The following FBN1 variants were observed in gnomAD, a reference collection of about 807,000 sequenced individuals.
FBN1 encodes fibrillin 1.
In FBN1, 29 loss-of-function variants were observed where a neutral mutation model predicts 365.1. The ratio of observed to expected loss-of-function variants is 0.08; its 90% CI spans 0.06 to 0.11. FBN1 has a LOEUF of 0.11. Ranked by LOEUF, FBN1 falls within the 10% of genes least tolerant of loss-of-function variation. The pLI, the probability that FBN1 is intolerant of heterozygous loss-of-function variation, is 1.00. For missense variants in FBN1, 2,476 were observed against 3,703.2 expected, an observed-to-expected ratio of 0.67 and a Z score of 8.60; for synonymous variants, 1,210 against 1,270.5, an observed-to-expected ratio of 0.95 and a Z score of 1.01.
chr15:48,502,802 T>A (rs1236729563), intron 17 of FBN1, among the ~76,000 whole-genome samples: 1 of 152,162 alleles, frequency 6.6e-6, no homozygotes, highest in African/African-American at 2.4e-5. Flanking sequence ...ATAAGCCACC[T>A]CAAATCCTTT....
At chr15:48,444,091 GA>G (rs1485051499) in intron 49 of FBN1, among the ~76,000 whole-genome samples, 2 of 152,112 alleles carry the variant, frequency 1.3e-5, no homozygotes, top group African/African-American at 4.8e-5. Flanking sequence ...GAATTTATTT[GA>G]AATAAGACAT....
chr15:48,550,196 C>T (rs1216109722), intron 6 of FBN1, among the ~76,000 whole-genome samples: 4 of 152,328 alleles, frequency 2.6e-5, no homozygotes, highest in Admixed American at 1.3e-4. Context: ...CAGACGCCCT[C>T]GTGGCCTTTC....
At chr15:48,428,183 G>T in intron 57 of FBN1, 163 bp downstream of exon 57, 1 of 879,464 alleles carries the variant, frequency 1.1e-6, no homozygotes. Flanking sequence ...GTGGTGCTGA[G>T]CCCAATGGAC....
chr15:48,515,587 T>C lies in FBN1; in HGVS notation c.1328-60A>G, dbSNP rs1389185588. 3 of 1,589,986 alleles carry C rather than the reference T, an allele frequency of 1.9e-6. No homozygotes were observed. The South Asian group carries it at 3.3e-5, about 18-fold the overall frequency. ...AACTATGGTATCTTTCATCAGTACTTAATCTGACAATAATGAACAAGATGT... is the reference window on the plus strand; with the variant it reads ...AACTATGGTATCTTTCATCAGTACTCAATCTGACAATAATGAACAAGATGT... On this transcript the variant is annotated intron_variant, in intron 11 of 65. Transcript: ENST00000316623.
intron 43 of FBN1, among the ~76,000 whole-genome samples, chr15:48,458,181 C>T (rs779349669): frequency 2.6e-5 from 4 of 152,184 alleles, no homozygotes; most frequent in African/African-American, 4.8e-5. Context: ...TTGCAAGGTA[C>T]ATACTTTGCT....
chr15:48,504,903 G>T, intron 16 of FBN1, 122 bp downstream of exon 16: 2 of 1,315,304 alleles, frequency 1.5e-6, no homozygotes, highest in Non-Finnish European at 2.2e-6. Flanking sequence ...CTGTTGGTTT[G>T]TTGCTCTGCA....
intron 6 of FBN1, among the ~76,000 whole-genome samples, chr15:48,566,940 G>C (rs1359770933): frequency 6.6e-6 from 1 of 152,200 alleles, no homozygotes. Flanking sequence ...CTCAAAGTGT[G>C]ACCTGTGGCC....
intron 2 of FBN1, among the ~76,000 whole-genome samples, chr15:48,625,157 T>C (rs1889852101): frequency 6.6e-6 from 1 of 152,182 alleles, no homozygotes; most frequent in Non-Finnish European, 1.5e-5. Flanking sequence ...AAAATTTCAT[T>C]TCTATATTAG....
intron 4 of FBN1, among the ~76,000 whole-genome samples, chr15:48,606,628 C>T (rs964740043): frequency 2.6e-5 from 4 of 152,170 alleles, no homozygotes; most frequent in African/African-American, 9.7e-5. Flanking sequence ...AACATCAGCG[C>T]TCTTTGTGGT....
intron 9 of FBN1, among the ~76,000 whole-genome samples, chr15:48,521,610 G>A (rs562060353): frequency 8.5e-5 from 13 of 152,240 alleles, no homozygotes; most frequent in Non-Finnish European, 1.6e-4. Flanking sequence ...CATGACATCC[G>A]ACACACTGCA....
At chr15:48,556,408 A>G (rs1167473608) in intron 6 of FBN1, among the ~76,000 whole-genome samples, 3 of 152,216 alleles carry the variant, frequency 2.0e-5, no homozygotes, top group South Asian at 2.1e-4. Flanking sequence ...AGAAGAGGCT[A>G]AGGTTTACAA....
intron 7 of FBN1, among the ~76,000 whole-genome samples, chr15:48,535,645 T>C (rs2044007277): frequency 6.6e-6 from 1 of 152,256 alleles, no homozygotes; most frequent in South Asian, 2.1e-4. Context: ...TTGCTGTTTA[T>C]AAGATCTCAA....
intron 12 of FBN1, 152 bp from the exon 13 acceptor site, chr15:48,513,820 T>G (rs1213258117): frequency 2.3e-6 from 2 of 875,132 alleles, no homozygotes; most frequent in East Asian, 5.4e-5. Flanking sequence ...CTACAATATG[T>G]CATTAGCCAT....
intron 24 of FBN1, among the ~76,000 whole-genome samples, chr15:48,491,955 G>C (rs1371340928): frequency 6.6e-6 from 1 of 152,136 alleles, no homozygotes; most frequent in Non-Finnish European, 1.5e-5. Flanking sequence ...TCCCATTTGG[G>C]CTCTAGCAGT....
chr15:48,441,931 G>T (rs2043118653), intron 49 of FBN1, 85 bp from the exon 50 acceptor site: 1 of 1,443,534 alleles, frequency 6.9e-7, no homozygotes, highest in African/African-American at 1.4e-5. Flanking sequence ...ACACACAAAG[G>T]GCAACTGAGT....
Position 48,494,264 on chromosome 15 carries a change from A to G in FBN1, c.2678-10T>C, listed in dbSNP as rs1457653118. ...TTACCACATATGGGATCTGTAATAA[A>G]AAGCGAAAAACAAAACAGAAAACAA... On this transcript the variant is annotated splice_polypyrimidine_tract_variant and intron_variant, in intron 22 of 65. Transcript: ENST00000316623. The G allele has an allele frequency of 1.2e-6, 2 of 1,611,162 alleles. No individual in the cohort carries two copies. The highest frequency in any genetic ancestry group is 1.7e-5 in the Admixed American group (1 of 60,014).
intron 60 of FBN1, among the ~76,000 whole-genome samples, chr15:48,422,499 T>C (rs1267112294): frequency 6.6e-6 from 1 of 152,246 alleles, no homozygotes; most frequent in African/African-American, 2.4e-5. Flanking sequence ...TTTGCTGGCT[T>C]AGTTCTCTTC....
intron 13 of FBN1, among the ~76,000 whole-genome samples, chr15:48,512,217 T>TA (rs2043766120): frequency 1.3e-5 from 2 of 152,214 alleles, no homozygotes; most frequent in Non-Finnish European, 1.5e-5. Context: ...AAAACTTCTA[T>TA]ATGTCTTCAA....
At chr15:48,597,801 C>T (rs1400446007) in intron 5 of FBN1, among the ~76,000 whole-genome samples, 1 of 152,204 alleles carries the variant, frequency 6.6e-6, no homozygotes, top group African/African-American at 2.4e-5. Flanking sequence ...AGCTTCTAAA[C>T]AGAAAAGAAA....
Sources: gnomAD v4.1 joint callset for allele counts (sites outside exome capture counted in the v4.1 genomes callset) on GRCh38, gnomAD v4.1.1 for gene constraint, MANE v1.5 for transcripts, NCBI Gene and HGNC (gene_info 2026-07-23, HGNC 2026-07-21) for gene names.